The following CAST variants were observed in gnomAD, a reference collection of about 807,000 sequenced individuals.
The protein encoded by CAST is MIR583 host.
In CAST, 76 loss-of-function variants were observed where a neutral mutation model predicts 119.6. The ratio of observed to expected loss-of-function variants is 0.64; its 90% CI spans 0.53 to 0.77. The LOEUF (loss-of-function observed/expected upper bound fraction) is 0.77. Among genes scored for constraint, CAST ranks in the 30% least tolerant of loss-of-function variants. The probability of loss-of-function intolerance (pLI) is 0.00; values close to 1 mark genes in which losing one functional copy is unlikely to be tolerated. For missense variants in CAST, 953 were observed against 946.5 expected, an observed-to-expected ratio of 1.01 and a Z score of -0.09; for synonymous variants, 319 against 331.6, an observed-to-expected ratio of 0.96 and a Z score of 0.41.
chr5:96,547,993 C>T (rs1216952368), intron 1 of CAST, among the ~76,000 whole-genome samples: 2 of 126,218 alleles, frequency 1.6e-5, no homozygotes, highest in African/African-American at 5.9e-5. Flanking sequence ...CAATGTAAGT[C>T]TTTGAGCCAA....
At chr5:96,322,819 A>C in the CAST span, among the ~76,000 whole-genome samples, 1 of 152,206 alleles carries the variant, frequency 6.6e-6, no homozygotes, top group East Asian at 1.9e-4. Context: ...TAGATTTTGT[A>C]AAATGCTTTC....
the CAST span, among the ~76,000 whole-genome samples, chr5:96,017,980 T>A: frequency 6.6e-6 from 1 of 152,160 alleles, no homozygotes; most frequent in Non-Finnish European, 1.5e-5. Context: ...AAAGCCCAGA[T>A]GGTTATTTAA....
At chr5:96,743,590 G>C (rs1395141119) in intron 16 of CAST, 1 of 1,597,696 alleles carries the variant, frequency 6.3e-7, no homozygotes, top group Non-Finnish European at 8.5e-7. Flanking sequence ...CTGACTTCCA[G>C]CAACAATCCT....
At chr5:96,080,971 C>T in the CAST span, among the ~76,000 whole-genome samples, 6 of 152,242 alleles carry the variant, frequency 3.9e-5, no homozygotes, top group East Asian at 9.7e-4. Flanking sequence ...ATTGTATTTT[C>T]AATGCACAAA....
the CAST span, among the ~76,000 whole-genome samples, chr5:96,249,991 A>G: frequency 6.6e-6 from 1 of 152,100 alleles, no homozygotes; most frequent in South Asian, 2.1e-4. Flanking sequence ...TCCTGCTTTC[A>G]CCTATCCTCC....
the CAST span, among the ~76,000 whole-genome samples, chr5:96,246,759 A>G: frequency 2.0e-5 from 3 of 152,214 alleles, no homozygotes; most frequent in African/African-American, 7.2e-5. Flanking sequence ...CCACTTTCAC[A>G]TTTCCTGGCT....
At chr5:96,188,070 A>G in the CAST span, among the ~76,000 whole-genome samples, 40 of 152,322 alleles carry the variant, frequency 2.6e-4, no homozygotes, top group African/African-American at 8.9e-4. Context: ...GAACCTGGAT[A>G]TGGGTCCTAT....
chr5:96,760,890 AAAAT>A (rs1169810822), intron 24 of CAST: 10 of 151,968 alleles, frequency 6.6e-5, no homozygotes, highest in African/African-American at 2.2e-4. Flanking sequence ...ATACATTCGG[AAAAT>A]AAATGTATAA....
chr5:96,061,849 C>T, the CAST span, among the ~76,000 whole-genome samples: 2 of 152,096 alleles, frequency 1.3e-5, no homozygotes, highest in African/African-American at 2.4e-5. Flanking sequence ...ATTTGTATTA[C>T]ATGTTAATCT....
chr5:96,368,510 A>C, the CAST span, among the ~76,000 whole-genome samples: 15 of 151,674 alleles, frequency 9.9e-5, no homozygotes, highest in African/African-American at 3.4e-4. Flanking sequence ...TAAAAAAAAA[A>C]AAAAACAAAA....
At chr5:96,640,459 C>A (rs955128052) in intron 1 of CAST, among the ~76,000 whole-genome samples, 4 of 152,226 alleles carry the variant, frequency 2.6e-5, no homozygotes, top group Non-Finnish European at 5.9e-5. Flanking sequence ...ATGCTTTACT[C>A]TTCTCCAGAT....
chr5:96,162,900 G>A, the CAST span, among the ~76,000 whole-genome samples: 5 of 152,182 alleles, frequency 3.3e-5, no homozygotes, highest in East Asian at 1.9e-4. Flanking sequence ...TTTATAATTA[G>A]GATAATATTG....
chr5:96,459,253 C>T, the CAST span, among the ~76,000 whole-genome samples: 6 of 152,072 alleles, frequency 3.9e-5, no homozygotes, highest in East Asian at 9.6e-4. Context: ...CCCGTCTTGG[C>T]AATACGAACA....
the CAST span, among the ~76,000 whole-genome samples, chr5:96,270,240 C>T: frequency 6.6e-6 from 1 of 152,036 alleles, no homozygotes; most frequent in African/African-American, 2.4e-5. Context: ...AGGAATGTAC[C>T]TCAGAATAAT....
chr5:96,230,557 A>G, the CAST span, among the ~76,000 whole-genome samples: 2 of 152,298 alleles, frequency 1.3e-5, no homozygotes, highest in East Asian at 1.9e-4. Context: ...AAGAAAACAC[A>G]GAAGTAAATC....
chr5:96,122,382 TC>T, the CAST span, among the ~76,000 whole-genome samples: 1 of 152,330 alleles, frequency 6.6e-6, no homozygotes, highest in South Asian at 2.1e-4. Flanking sequence ...ATACTTTTTT[TC>T]CTTTATAACT....
chr5:96,325,516 G>C, the CAST span, among the ~76,000 whole-genome samples: 201 of 149,398 alleles, frequency 1.3e-3, no homozygotes, highest in Admixed American at 3.1e-3. Context: ...GACTCGCTCT[G>C]TTGCCCAGGC....
Position 96,722,675 on chromosome 5 carries a change from A to G in CAST, c.247A>G (p.Ser83Gly), listed in dbSNP as rs781076642. 1.1e-5 allele frequency: 18 copies of G among 1,613,192 alleles called. No homozygotes were observed. The South Asian group carries it at 1.5e-4, about 14-fold the overall frequency. ...ASSGATSKSSSMNPTETKAIP... is the reference protein window; with the variant it reads ...ASSGATSKSSGMNPTETKAIP... ...CTCTGGTGCAACCAGCAAGTCTTCC[A>G]GTATGAATCCCACAGAAACCAAGGT... Residue 83 changes from serine to glycine, a missense_variant, in exon 4 of 32, where the codon AGT (serine) becomes GGT (glycine). By Grantham distance (56) the Ser-to-Gly change is moderately conservative (BLOSUM62 0). Coordinates refer to ENST00000675179, the MANE Select transcript of CAST (RefSeq NM_001750.7).
At chr5:96,577,259 C>T (rs1746689265) in intron 1 of CAST, among the ~76,000 whole-genome samples, 1 of 150,292 alleles carries the variant, frequency 6.7e-6, no homozygotes, top group Non-Finnish European at 1.5e-5. Flanking sequence ...AATGATCTAA[C>T]TTTACTTTCT....
Sources: allele counts gnomAD v4.1 joint callset (sites outside exome capture counted in the v4.1 genomes callset), GRCh38; gene constraint gnomAD v4.1.1; transcripts MANE v1.5; gene names NCBI Gene and HGNC (gene_info 2026-07-23, HGNC 2026-07-21).